The following DPP10 variants were observed in gnomAD, a reference collection of about 807,000 sequenced individuals.
The protein encoded by DPP10 is inactive dipeptidyl peptidase 10.
Under a neutral mutation model 120.9 loss-of-function variants are expected in DPP10, and 33 were observed. The ratio of observed to expected loss-of-function variants is 0.27; its 90% CI spans 0.21 to 0.37. The LOEUF is 0.37. Among genes scored for constraint, DPP10 ranks in the 10% least tolerant of loss-of-function variants. The probability of loss-of-function intolerance (pLI) is 1.00; values close to 1 mark genes in which losing one functional copy is unlikely to be tolerated. For missense variants in DPP10, 816 were observed against 942.8 expected (o/e 0.87, Z 1.76); for synonymous variants, 337 against 326.1 (o/e 1.03, Z -0.36).
intron 1 of DPP10, among the ~76,000 whole-genome samples, chr2:114,698,990 G>A (rs1260738030): frequency 6.6e-6 from 1 of 152,002 alleles, no homozygotes; most frequent in Non-Finnish European, 1.5e-5. Flanking sequence ...TACTTCCCAG[G>A]CATTATGCTT....
intron 3 of DPP10, among the ~76,000 whole-genome samples, chr2:115,387,225 G>A (rs746111339): frequency 6.6e-6 from 1 of 152,168 alleles, no homozygotes; most frequent in Non-Finnish European, 1.5e-5. Flanking sequence ...GCAATAGAAG[G>A]CTCCAATGGA....
At chr2:115,146,369 G>A (rs2051224739) in intron 1 of DPP10, among the ~76,000 whole-genome samples, 1 of 151,996 alleles carries the variant, frequency 6.6e-6, no homozygotes, top group Non-Finnish European at 1.5e-5. Context: ...CGAAGTCCAA[G>A]TAGCAGTTTT....
At chr2:115,358,372 A>G (rs2064545487) in intron 3 of DPP10, among the ~76,000 whole-genome samples, 1 of 152,142 alleles carries the variant, frequency 6.6e-6, no homozygotes, top group Non-Finnish European at 1.5e-5. Context: ...CCAGTTCCCA[A>G]CAAGTTTCTT....
intron 3 of DPP10, among the ~76,000 whole-genome samples, chr2:115,408,541 TA>T (rs1302425072): frequency 6.6e-6 from 1 of 152,170 alleles, no homozygotes; most frequent in African/African-American, 2.4e-5. Context: ...GGCATACGTG[TA>T]ACACTCTCAA....
At chr2:114,892,666 C>T (rs188072846) in intron 1 of DPP10, among the ~76,000 whole-genome samples, 137 of 152,296 alleles carry the variant, frequency 9.0e-4, no homozygotes, top group African/African-American at 2.9e-3. Context: ...TCTTCTCCTA[C>T]GGAACCTCAG....
intron 5 of DPP10, among the ~76,000 whole-genome samples, chr2:115,616,361 A>T (rs10496499): frequency 1.3e-4 from 19 of 151,886 alleles, no homozygotes; most frequent in African/African-American, 4.6e-4. Context: ...ACTGGGTCAC[A>T]GAGAATGAAG....
chr2:114,552,263 G>A (rs1249179625), intron 1 of DPP10, among the ~76,000 whole-genome samples: 2 of 152,200 alleles, frequency 1.3e-5, no homozygotes, highest in East Asian at 3.9e-4. Context: ...GACAATATAT[G>A]CCAAGGCAAT....
intron 3 of DPP10, among the ~76,000 whole-genome samples, chr2:115,414,299 T>C (rs2104608396): frequency 6.6e-6 from 1 of 152,290 alleles, no homozygotes; most frequent in Admixed American, 6.5e-5. Flanking sequence ...AAAAAATGTC[T>C]GCGACAGAGC....
intron 1 of DPP10, among the ~76,000 whole-genome samples, chr2:114,935,238 G>T (rs1983373): frequency 2.6e-5 from 4 of 151,574 alleles, no homozygotes; most frequent in African/African-American, 4.9e-5. Flanking sequence ...CTTCGTCATC[G>T]TTTCCCTTCT....
At chr2:114,638,943 A>T (rs533592107) in intron 1 of DPP10, among the ~76,000 whole-genome samples, 21 of 151,958 alleles carry the variant, frequency 1.4e-4, no homozygotes, top group African/African-American at 4.8e-4. Context: ...ACCATGGAAT[A>T]CTACACAGCC....
intron 1 of DPP10, among the ~76,000 whole-genome samples, chr2:115,191,827 G>T (rs2054905982): frequency 6.6e-6 from 1 of 152,172 alleles, no homozygotes; most frequent in South Asian, 2.1e-4. Context: ...AACTCCAGGG[G>T]TGGCACCTGT....
At chr2:115,829,739 A>G (rs1245311129) in intron 21 of DPP10, among the ~76,000 whole-genome samples, 1 of 151,822 alleles carries the variant, frequency 6.6e-6, no homozygotes, top group Non-Finnish European at 1.5e-5. Flanking sequence ...TTTATTTCTA[A>G]CTATTGCTTA....
At chr2:114,581,871 C>T (rs1325105524) in intron 1 of DPP10, among the ~76,000 whole-genome samples, 1 of 152,112 alleles carries the variant, frequency 6.6e-6, no homozygotes, top group Non-Finnish European at 1.5e-5. Context: ...ATATATCTGC[C>T]ACATCCTTTC....
intron 1 of DPP10, among the ~76,000 whole-genome samples, chr2:115,224,837 T>G (rs1192998051): frequency 6.6e-6 from 1 of 152,220 alleles, no homozygotes; most frequent in Admixed American, 6.5e-5. Context: ...AAATATTGAA[T>G]GCTTACCGCA....
chr2:115,479,498 C>T (rs541843866), intron 3 of DPP10, among the ~76,000 whole-genome samples: 1 of 151,976 alleles, frequency 6.6e-6, no homozygotes, highest in African/African-American at 2.4e-5. Flanking sequence ...CAATGGTTAT[C>T]CAACAATATG....
intron 1 of DPP10, among the ~76,000 whole-genome samples, chr2:114,703,859 C>G (rs570385282): frequency 6.6e-6 from 1 of 152,206 alleles, no homozygotes; most frequent in East Asian, 1.9e-4. Flanking sequence ...CTCAAACACA[C>G]TGTTTGGGCT....
rs76479328 is a variant in DPP10 at position 115,387,204 on chromosome 2, A to T, written c.271+43292A>T. 3.9e-4 allele frequency among the ~76,000 whole-genome samples: 60 copies of T among 152,178 alleles called. 3 individuals carry two copies. The East Asian group carries it at 9.5e-3, about 24-fold the overall frequency. ...CTGTGTTTTTCAGCACCACCCCCAC[A>T]CTTGTTTCTAGCAATAGAAGGCTCC... On this transcript the variant is annotated intron_variant, in intron 3 of 25. Coordinates refer to ENST00000410059, the MANE Select transcript of DPP10 (RefSeq NM_020868.6).
intron 7 of DPP10, among the ~76,000 whole-genome samples, chr2:115,703,956 G>T (rs576570507): frequency 6.6e-6 from 1 of 151,982 alleles, no homozygotes; most frequent in East Asian, 1.9e-4. Flanking sequence ...TCTAAAATTT[G>T]TTCTCACATC....
intron 1 of DPP10, among the ~76,000 whole-genome samples, chr2:115,099,997 G>A (rs557876019): frequency 9.2e-5 from 14 of 152,320 alleles, no homozygotes; most frequent in African/African-American, 3.1e-4. Context: ...GACCCTGTGA[G>A]TAGAAAAGGC....
Sources: allele counts gnomAD v4.1 joint callset (sites outside exome capture counted in the v4.1 genomes callset), GRCh38; gene constraint gnomAD v4.1.1; transcripts MANE v1.5; gene names NCBI Gene and HGNC (gene_info 2026-07-23, HGNC 2026-07-21).